MTAP: variants seen among roughly 807,000 people sequenced by gnomAD.
The protein encoded by MTAP is S-methyl-5'-thioadenosine phosphorylase.
Under a neutral mutation model 33.6 loss-of-function variants are expected in MTAP, and 33 were observed. The ratio of observed to expected loss-of-function variants is 0.98; its 90% confidence interval spans 0.74 to 1.31. The LOEUF (loss-of-function observed/expected upper bound fraction) is 1.31, where lower values mean the gene tolerates loss of function less well. MTAP is among the 40% of genes most tolerant of loss of function. The pLI, the probability that MTAP is intolerant of heterozygous loss-of-function variation, is 0.00. For missense variants in MTAP, 367 were observed against 360.0 expected, an observed-to-expected ratio of 1.02 and a Z score of -0.16; for synonymous variants, 148 against 125.7, an observed-to-expected ratio of 1.18 and a Z score of -1.19.
chr9:21,874,835 T>C (rs1443689050), intron 1 of MTAP, among the ~76,000 whole-genome samples: 2 of 152,118 alleles, frequency 1.3e-5, no homozygotes, highest in East Asian at 1.9e-4. Flanking sequence ...TTCCTAATGC[T>C]ATCCCTCCCC....
chr9:21,915,044 C>CT (rs1818659156), intron 1 of MTAP, among the ~76,000 whole-genome samples: 1 of 104,078 alleles, frequency 9.6e-6, no homozygotes, highest in African/African-American at 5.2e-5. Context: ...TCCTTCCTTC[C>CT]TTCCTTCCTT....
intron 6 of MTAP, among the ~76,000 whole-genome samples, chr9:21,857,163 G>A (rs1825660785): frequency 6.6e-6 from 1 of 152,128 alleles, no homozygotes; most frequent in African/African-American, 2.4e-5. Context: ...GGACATTTTG[G>A]GTGAAGCCCA....
chr9:21,932,381 T>C (rs1319986108), downstream of MTAP: 1 of 152,202 alleles, frequency 6.6e-6, no homozygotes, highest in Non-Finnish European at 1.5e-5. Flanking sequence ...TCTGCTAAGG[T>C]GTAGATATAA....
chr9:21,809,577 T>C (rs992260873), intron 1 of MTAP, among the ~76,000 whole-genome samples: 1 of 151,028 alleles, frequency 6.6e-6, no homozygotes, highest in Non-Finnish European at 1.5e-5. Flanking sequence ...AGGCGGAGCT[T>C]GCAGTGAGCC....
chr9:21,938,581 T>C (rs111544570), downstream of MTAP, among the ~76,000 whole-genome samples: 2 of 152,364 alleles, frequency 1.3e-5, no homozygotes, highest in African/African-American at 4.8e-5. Context: ...TGTGAACTTC[T>C]ACAACTCCGA....
At chr9:21,804,738 C>A (rs1240625930) in intron 1 of MTAP, among the ~76,000 whole-genome samples, 2 of 152,208 alleles carry the variant, frequency 1.3e-5, no homozygotes, top group Admixed American at 1.3e-4. Flanking sequence ...AGTGTTCCTT[C>A]AAGACCATCC....
At chr9:21,883,357 A>C (rs1293583741) in intron 1 of MTAP, among the ~76,000 whole-genome samples, 1 of 152,148 alleles carries the variant, frequency 6.6e-6, no homozygotes, top group Non-Finnish European at 1.5e-5. Flanking sequence ...TCAGTTGAAC[A>C]AAAAATTAAG....
At position 21,865,190 on chromosome 9, in the gene MTAP, C is replaced by T. The variant is rs1825833584; in HGVS notation, c.*3176C>T. ...ATTAAATCATGGGGGTGGTTACCCC[C>T]ACACTGCTGTTCTCATGATACTGAG... On this transcript the variant is annotated 3_prime_UTR_variant, in exon 8 of 8. Transcript: ENST00000644715. The T allele has an allele frequency of 1.4e-6, 1 of 691,482 alleles. No individual in the cohort carries two copies. The highest frequency in any genetic ancestry group is 6.3e-5 in the Admixed American group (1 of 15,906). The allele number at this position is 691,482 out of a possible 1,614,324, so 42.8% of individuals were successfully genotyped here. A position where few individuals can be genotyped will look rare whatever the true frequency, so the allele number is the denominator to read the frequency against.
At chr9:21,807,240 T>G (rs954079507) in intron 1 of MTAP, among the ~76,000 whole-genome samples, 1 of 152,032 alleles carries the variant, frequency 6.6e-6, no homozygotes. Context: ...CCATTGTAGG[T>G]TGGTAGTGAG....
intron 1 of MTAP, among the ~76,000 whole-genome samples, chr9:21,879,164 C>T (rs1317840936): frequency 6.6e-6 from 1 of 152,036 alleles, no homozygotes; most frequent in Non-Finnish European, 1.5e-5. Flanking sequence ...TGAAGTCTCT[C>T]GCTAGTATTG....
At chr9:21,832,208 G>C (rs946713904) in intron 4 of MTAP, among the ~76,000 whole-genome samples, 1 of 152,202 alleles carries the variant, frequency 6.6e-6, no homozygotes, top group Admixed American at 6.5e-5. Context: ...TGAGGGATCA[G>C]TTATGTCAGT....
At chr9:21,846,887 G>A (rs140521963) in intron 5 of MTAP, among the ~76,000 whole-genome samples, 4 of 152,296 alleles carry the variant, frequency 2.6e-5, no homozygotes, top group South Asian at 2.1e-4. Context: ...TACAGCATGG[G>A]TGTGATGGTT....
chr9:21,883,996 C>G (rs765019519), intron 1 of MTAP, among the ~76,000 whole-genome samples: 3 of 152,074 alleles, frequency 2.0e-5, no homozygotes, highest in African/African-American at 7.2e-5. Context: ...AATCTCAGGC[C>G]TTGGTGGTTT....
In MTAP at chr9:21,862,338, C is replaced by A; in HGVS notation, c.*324C>A. On this transcript the variant is annotated 3_prime_UTR_variant, in exon 8 of 8. Coordinates refer to ENST00000644715, the MANE Select transcript of MTAP (RefSeq NM_002451.4). ...AAGGGTGGAGGGTAATCTCTACTTT[C>A]CTATACTGCCAAAGAATGTGAGGAA... The A allele has an allele frequency of 4.2e-6, 1 of 236,664 alleles. No homozygotes were observed. The highest frequency in any genetic ancestry group is 7.7e-6 in the Non-Finnish European group (1 of 129,140). 14.7% of individuals were successfully genotyped at this position (236,664 alleles called of 1,614,324 possible). A position where few individuals can be genotyped will look rare whatever the true frequency, so the allele number is the denominator to read the frequency against.
At chr9:21,937,590 C>A (rs1338766708) in exon 8 of MTAP, 2 of 152,140 alleles carry the variant, frequency 1.3e-5, no homozygotes, top group Admixed American at 6.5e-5. Flanking sequence ...ATCTTCCCAA[C>A]AAAAGAGCTA....
At chr9:21,921,690 G>T (rs1308947726) in intron 1 of MTAP, among the ~76,000 whole-genome samples, 1 of 152,164 alleles carries the variant, frequency 6.6e-6, no homozygotes, top group Non-Finnish European at 1.5e-5. Context: ...AAGACTTCTG[G>T]CCAGAAGCAG....
chr9:21,851,009 A>T (rs1033213769), intron 5 of MTAP, among the ~76,000 whole-genome samples: 4 of 152,240 alleles, frequency 2.6e-5, no homozygotes, highest in African/African-American at 7.2e-5. Flanking sequence ...AGATGAAATC[A>T]GTCTACTACT....
At position 21,899,400 on chromosome 9, in the gene MTAP, AGAAGGG is replaced by A. The variant is rs376794251; in HGVS notation, c.148-31590_148-31585del. On this transcript the variant is annotated intron_variant, in intron 1 of 1. Coordinates refer to the MTAP transcript ENST00000577563. ...AGTACAATAATGGAAGGAAGGAAGG[AGAAGGG>A]GAAGGGGAAGGGGAAGGAGGGGAGG... 3.8e-3 allele frequency among the ~76,000 whole-genome samples: 553 copies of A among 143,812 alleles called. 2 individuals carry two copies. The highest frequency in any genetic ancestry group is 0.013 in the African/African-American group (507 of 39,302). 94.3% of individuals were successfully genotyped at this position (143,812 alleles called of 152,430 possible).
At chr9:21,908,158 T>G (rs143425997) in intron 1 of MTAP, among the ~76,000 whole-genome samples, 36 of 152,280 alleles carry the variant, frequency 2.4e-4, no homozygotes, top group Non-Finnish European at 4.4e-4. Flanking sequence ...AACCACTGAT[T>G]CTTTCTCCAT....
Sources: allele counts gnomAD v4.1 joint callset (sites outside exome capture counted in the v4.1 genomes callset), GRCh38; gene constraint gnomAD v4.1.1; transcripts MANE v1.5; gene names NCBI Gene and HGNC (gene_info 2026-07-23, HGNC 2026-07-21).